SV2B: variants seen among roughly 807,000 people sequenced by gnomAD.
The protein encoded by SV2B is synaptic vesicle glycoprotein 2B, also known as solute carrier family 22 member B2.
SV2B carries 41 observed loss-of-function variants against 73.9 expected under a neutral mutation model. That is an observed-to-expected ratio of 0.56 (90% CI 0.43 to 0.72). The LOEUF (loss-of-function observed/expected upper bound fraction) is 0.72, where lower values mean the gene tolerates loss of function less well. SV2B is among the 30% of genes least tolerant of loss of function. The pLI is 0.00. For missense variants in SV2B, 764 were observed against 857.8 expected (o/e 0.89, Z 1.37); for synonymous variants, 314 against 314.2 (o/e 1.00, Z 0.01).
chr15:91,155,724 G>A (rs916440502), intron 1 of SV2B, among the ~76,000 whole-genome samples: 7 of 152,146 alleles, frequency 4.6e-5, no homozygotes. Context: ...AAACTGGTGA[G>A]TCAAACTGCA....
At position 91,220,986 on chromosome 15, in the gene SV2B, C is replaced by A. The variant is rs533310018; in HGVS notation, c.-391-4887C>A. ...TCAAGTGATCTTCCTTCCTCTGCCT[C>A]CTGAGGAGCTGGGATTACAGGTGTG... On this transcript the variant is annotated intron_variant, in intron 1 of 12. Coordinates refer to ENST00000394232, the MANE Select transcript of SV2B (RefSeq NM_001323032.3). The surrounding 1 kb of genome is among the most constrained non-coding windows in gnomAD (Gnocchi z 4.1). 7.9e-5 allele frequency among the ~76,000 whole-genome samples: 12 copies of A among 152,248 alleles called. No homozygotes were observed. In the South Asian group the frequency reaches 2.3e-3, roughly 29 times the overall value.
In SV2B at chr15:91,110,131, G is replaced by A. The variant is rs945066805; in HGVS notation, c.-392+9768G>A. On this transcript the variant is annotated intron_variant, in intron 1 of 12. Transcript: ENST00000394232. This position sits in a 1 kb window ranked among gnomAD's most constrained non-coding sequence, Gnocchi z 5.4. ...GGACAGCTCATTTATCCATTAACGT[G>A]TTCTGTTCCTTCTTCTTAGCAGTGT... Among the ~76,000 whole-genome samples the A allele has an allele frequency of 6.6e-6, 1 of 152,158 alleles. No homozygotes were observed. Among genetic ancestry groups the A allele is most frequent in the African/African-American group, 2.4e-5 (1 of 41,438 alleles).
intron 10 of SV2B, among the ~76,000 whole-genome samples, chr15:91,282,965 C>G: frequency 6.6e-6 from 1 of 152,152 alleles, no homozygotes; most frequent in East Asian, 1.9e-4. Context: ...TGAATGATGC[C>G]TCCTCATTTG....
At position 91,284,366 on chromosome 15, in the gene SV2B, C is replaced by A; in HGVS notation, c.1708+145C>A. 1.1e-6 allele frequency: 1 copy of A among 882,232 alleles called. No individual in the cohort carries two copies. Among genetic ancestry groups the A allele is most frequent in the Non-Finnish European group, 1.7e-6 (1 of 589,502 alleles). 54.7% of individuals were successfully genotyped at this position (882,232 alleles called of 1,614,324 possible). Reference sequence around the variant, plus strand: ...TAAGATTGCACCCAGGGCTATAGAGCCAAGGATGTGTGCCTACAGAAGACT... The same window carrying A: ...TAAGATTGCACCCAGGGCTATAGAGACAAGGATGTGTGCCTACAGAAGACT... On this transcript the variant is annotated intron_variant, in intron 11 of 12. Coordinates refer to ENST00000394232, the MANE Select transcript of SV2B (RefSeq NM_001323032.3). This position sits in a 1 kb window ranked among gnomAD's most constrained non-coding sequence, Gnocchi z 4.5.
intron 11 of SV2B, among the ~76,000 whole-genome samples, chr15:91,286,390 C>T (rs957124900): frequency 2.6e-5 from 4 of 152,116 alleles, no homozygotes; most frequent in Admixed American, 6.5e-5. Flanking sequence ...TTGTTATCAG[C>T]GGAGTAGAAG....
At chr15:91,149,315 T>A (rs1192443337) in intron 1 of SV2B, among the ~76,000 whole-genome samples, 3 of 152,184 alleles carry the variant, frequency 2.0e-5, no homozygotes, top group African/African-American at 7.2e-5. Flanking sequence ...TGGGCACTGA[T>A]GGTATCGGTG....
chr15:91,180,259 A>G (rs973238449), intron 1 of SV2B, among the ~76,000 whole-genome samples: 2 of 152,132 alleles, frequency 1.3e-5, no homozygotes, highest in Non-Finnish European at 2.9e-5. Context: ...CTGCCGAGAG[A>G]TCAGCTGTTA....
intron 1 of SV2B, among the ~76,000 whole-genome samples, chr15:91,181,039 C>T (rs2044533718): frequency 6.6e-6 from 1 of 152,064 alleles, no homozygotes; most frequent in Non-Finnish European, 1.5e-5. Context: ...TACTTTTGGT[C>T]TTTGATGATG....
rs145534909 is a variant in SV2B, at chr15:91,252,371, T to C, written c.635T>C (p.Ile212Thr). Residue 212 changes from isoleucine to threonine, a missense_variant and splice_region_variant, in exon 4 of 13, where the codon ATT becomes ACT. By Grantham distance (89) the Ile-to-Thr change is moderately conservative. Coordinates refer to ENST00000394232, the MANE Select transcript of SV2B (RefSeq NM_001323032.3). The surrounding 1 kb of genome is among the most constrained non-coding windows in gnomAD (Gnocchi z 4.6). ...TCTCTGGCATTTTTCCTTTGCAGTA[T>C]TGGGGGTGCTCTACCGATTGTTTTT... ...LFCRLISGIG[I>T]GGALPIVFAY... 1,227 of 1,610,024 alleles carry C rather than the reference T, an allele frequency of 7.6e-4. 2 individuals carry two copies. Among genetic ancestry groups the C allele is most frequent in the Non-Finnish European group, 7.3e-4 (861 of 1,178,064 alleles).
intron 1 of SV2B, among the ~76,000 whole-genome samples, chr15:91,112,751 T>G (rs1455038169): frequency 6.6e-6 from 1 of 152,214 alleles, no homozygotes; most frequent in East Asian, 1.9e-4. Flanking sequence ...ACAGACCATC[T>G]AGAAAATAGG....
At chr15:91,150,783 G>T (rs1220810332) in intron 1 of SV2B, among the ~76,000 whole-genome samples, 1 of 152,234 alleles carries the variant, frequency 6.6e-6, no homozygotes, top group Non-Finnish European at 1.5e-5. Context: ...ACAAAATCAT[G>T]TCTGAGCCTT....
intron 1 of SV2B, among the ~76,000 whole-genome samples, chr15:91,101,261 G>A (rs1384321486): frequency 6.6e-6 from 1 of 152,000 alleles, no homozygotes. Context: ...GGTGCATGAG[G>A]GAGGACTGGG....
intron 1 of SV2B, among the ~76,000 whole-genome samples, chr15:91,221,703 A>G (rs1362229365): frequency 3.8e-4 from 44 of 116,602 alleles, no homozygotes; most frequent in East Asian, 2.3e-3. Context: ...GCACACACAC[A>G]CACACACACA....
intron 1 of SV2B, among the ~76,000 whole-genome samples, chr15:91,211,611 C>T (rs1256042676): frequency 6.6e-6 from 1 of 150,900 alleles, no homozygotes; most frequent in African/African-American, 2.4e-5. Flanking sequence ...TCAAGCAATT[C>T]TTCTGCCTCA....
At chr15:91,152,071 CTTTT>C (rs59094531) in intron 1 of SV2B, among the ~76,000 whole-genome samples, 3 of 137,280 alleles carry the variant, frequency 2.2e-5, no homozygotes, top group African/African-American at 5.6e-5. Flanking sequence ...AATTTTTACT[CTTTT>C]TTTTTTTTTT....
rs11854020 is a variant in SV2B, at chr15:91,281,018, C to T, written c.1374-710C>T. Among the ~76,000 whole-genome samples, 4,553 of 152,252 alleles carry T rather than the reference C, an allele frequency of 0.03. 136 individuals are homozygous for T. Among genetic ancestry groups the T allele is most frequent in the East Asian group, 0.095 (492 of 5,188 alleles). ...ACATATAGATCTACCTCATTTACTA[C>T]GATGGCTACATGGTATTCCATTATA... On this transcript the variant is annotated intron_variant, in intron 9 of 12. Coordinates refer to ENST00000394232, the MANE Select transcript of SV2B (RefSeq NM_001323032.3). The surrounding 1 kb of genome is among the most constrained non-coding windows in gnomAD (Gnocchi z 4.7).
At chr15:91,266,827 G>A in intron 7 of SV2B, 135 bp downstream of exon 7, 1 of 627,306 alleles carries the variant, frequency 1.6e-6, no homozygotes, top group Non-Finnish European at 2.6e-6. Context: ...CCCTGGAGGG[G>A]GGCGTTTGGG....
At position 91,242,600 on chromosome 15, in the gene SV2B, T is replaced by C. The variant is rs1200980682; in HGVS notation, c.452-9219T>C. Among the ~76,000 whole-genome samples, 1 of 151,684 alleles carries C rather than the reference T, an allele frequency of 6.6e-6. No individual in the cohort carries two copies. Among genetic ancestry groups the C allele is most frequent in the East Asian group, 1.9e-4 (1 of 5,174 alleles). ...AGATCTGAACAAAGAACATTCTAGATAGAGGAAAGAGCAGTGTGAAGACTC... is the reference window on the plus strand; with the variant it reads ...AGATCTGAACAAAGAACATTCTAGACAGAGGAAAGAGCAGTGTGAAGACTC... On this transcript the variant is annotated intron_variant, in intron 2 of 12. Coordinates refer to ENST00000394232, the MANE Select transcript of SV2B (RefSeq NM_001323032.3). The surrounding 1 kb of genome is among the most constrained non-coding windows in gnomAD (Gnocchi z 4.9).
At chr15:91,174,777 A>G (rs2141290505) in intron 1 of SV2B, among the ~76,000 whole-genome samples, 1 of 152,188 alleles carries the variant, frequency 6.6e-6, no homozygotes, top group East Asian at 1.9e-4. Context: ...GGTTCAGGCC[A>G]CTCCTGGATG....
Sources: gnomAD v4.1 joint callset for allele counts (sites outside exome capture counted in the v4.1 genomes callset) on GRCh38, gnomAD v4.1.1 for gene constraint, Gnocchi (gnomAD v3.1) non-coding constraint, MANE v1.5 for transcripts, NCBI Gene and HGNC (gene_info 2026-07-23, HGNC 2026-07-21) for gene names.